APBA2: variants seen among roughly 807,000 people sequenced by gnomAD.
The protein encoded by APBA2 is amyloid beta precursor protein binding family A member 2, also known as amyloid-beta A4 precursor protein-binding family A member 2.
APBA2 carries 30 observed loss-of-function variants against 75.0 expected under a neutral mutation model. That is an observed-to-expected ratio of 0.40 (90% CI 0.30 to 0.54). The LOEUF (loss-of-function observed/expected upper bound fraction) is 0.54. Ranked by LOEUF, APBA2 falls within the 20% of genes least tolerant of loss-of-function variation. APBA2 has a pLI of 0.49. For missense variants in APBA2, 801 were observed against 1,016.1 expected, an observed-to-expected ratio of 0.79 and a Z score of 2.88; for synonymous variants, 444 against 409.6, an observed-to-expected ratio of 1.08 and a Z score of -1.01.
chr15:28,987,828 C>T (rs899690996), intron 2 of APBA2, among the ~76,000 whole-genome samples: 21 of 148,556 alleles, frequency 1.4e-4, no homozygotes, highest in Non-Finnish European at 2.7e-4. Flanking sequence ...GTGATCTCAG[C>T]TCACCGCAAC....
rs569997283 is a variant in APBA2 at position 28,918,294 on chromosome 15, C to T, written c.-204-3346C>T. On this transcript the variant is annotated intron_variant, in intron 1 of 14. Coordinates refer to ENST00000683413, the MANE Select transcript of APBA2 (RefSeq NM_001353788.2). This position sits in a 1 kb window ranked among gnomAD's most constrained non-coding sequence, Gnocchi z 4.2. ...CAGGCCACTGCCCTCGGCAGCCAAG[C>T]CCCTTCTTTATTTTGGAATGGCCAC... is the stretch of plus-strand genomic sequence containing the variant. Among the ~76,000 whole-genome samples, 2 of 152,290 alleles carry T rather than the reference C, an allele frequency of 1.3e-5. No homozygotes were observed. The highest frequency in any genetic ancestry group is 3.9e-4 in the East Asian group (2 of 5,152).
intron 13 of APBA2, among the ~76,000 whole-genome samples, chr15:29,111,821 G>A (rs1596005095): frequency 6.6e-6 from 1 of 152,168 alleles, no homozygotes; most frequent in South Asian, 2.1e-4. Context: ...GTGCACTGGG[G>A]CTCCACTGCC....
chr15:28,955,936 A>G (rs58959759), intron 2 of APBA2, among the ~76,000 whole-genome samples: 32,824 of 152,068 alleles, frequency 0.22, 6,805 homozygotes, highest in African/African-American at 0.53. Flanking sequence ...CCCGTAGCTC[A>G]GCAACCATGG....
chr15:28,893,433 C>T (rs2032265436), intron 1 of APBA2, among the ~76,000 whole-genome samples: 1 of 152,140 alleles, frequency 6.6e-6, no homozygotes, highest in South Asian at 2.1e-4. Flanking sequence ...ATGAATGGAC[C>T]GATTTTGGCC....
chr15:29,108,715 G>A (rs1567025581), intron 13 of APBA2: 1 of 482,322 alleles, frequency 2.1e-6, no homozygotes, highest in Non-Finnish European at 3.8e-6. Flanking sequence ...ACAACCAATT[G>A]TGGCATCACT....
rs139429414 is a variant in APBA2, at chr15:28,917,861, G to A, written c.-204-3779G>A. On this transcript the variant is annotated intron_variant, in intron 1 of 14. Transcript: ENST00000683413. Reference sequence around the variant, plus strand: ...CTTTTGCACCCCGGCTTACTGTGGCGTGGGGCAGGGGTACTGGGGGCCAGC... The same window carrying A: ...CTTTTGCACCCCGGCTTACTGTGGCATGGGGCAGGGGTACTGGGGGCCAGC... 5.3e-5 allele frequency among the ~76,000 whole-genome samples: 8 copies of A among 152,306 alleles called. No homozygotes were observed. In the East Asian group the frequency reaches 5.8e-4, roughly 11 times the overall value.
At position 29,101,662 on chromosome 15, in the gene APBA2, G is replaced by C; in HGVS notation, c.1402G>C (p.Val468Leu). The change falls in exon 10 of 15, where the codon GTG (valine) becomes CTG (leucine). Residue 468 changes from valine (V) to leucine (L), a missense_variant. Val to Leu is a conservative substitution (Grantham distance 32, BLOSUM62 1). This residue lies in a region of APBA2 where 367 missense variants were observed against 544.5 expected (regional missense o/e 0.67). Coordinates refer to ENST00000683413, the MANE Select transcript of APBA2 (RefSeq NM_001353788.2). ...CATCGCCGACATTGGGAACATTGTA[G>C]TGCTGATGGCCAGACGCCGCATGCC... is the stretch of plus-strand genomic sequence containing the variant. ...SYIADIGNIV[V>L]LMARRRMPRS... 1 of 1,613,782 alleles carries C rather than the reference G, an allele frequency of 6.2e-7. No individual in the cohort carries two copies. The highest frequency in any genetic ancestry group is 1.1e-5 in the South Asian group (1 of 91,070).
chr15:29,055,020 T>C (rs1344623882), intron 4 of APBA2, among the ~76,000 whole-genome samples, 185 bp downstream of exon 4: 2 of 152,190 alleles, frequency 1.3e-5, no homozygotes, highest in African/African-American at 2.4e-5. Context: ...CCGGCCACTC[T>C]TAAGCTCACC....
At position 29,072,704 on chromosome 15, in the gene APBA2, G is replaced by A. The variant is rs148425313; in HGVS notation, c.952-2217G>A. Among the ~76,000 whole-genome samples the A allele has an allele frequency of 8.6e-4, 131 of 152,246 alleles. 2 individuals carry two copies. Among genetic ancestry groups the A allele is most frequent in the African/African-American group, 2.8e-3 (116 of 41,548 alleles). On this transcript the variant is annotated intron_variant, in intron 4 of 14. Coordinates refer to ENST00000683413, the MANE Select transcript of APBA2 (RefSeq NM_001353788.2). ...GCTAGGCTTCGAAAAGCAGGGCAGT[G>A]TGCCAGCAGTCCCAGACAAACCAGA... is the stretch of plus-strand genomic sequence containing the variant.
chr15:28,886,732 C>A (rs1485121838), intron 1 of APBA2, among the ~76,000 whole-genome samples: 2 of 152,186 alleles, frequency 1.3e-5, no homozygotes, highest in Admixed American at 6.5e-5. Flanking sequence ...CCCAGAGAAC[C>A]CAAGCCCAGA....
chr15:29,033,989 AG>A lies in APBA2; in HGVS notation c.-40-19855del, dbSNP rs544099479. The stretch of plus-strand genomic sequence containing the variant: ...CAAAAAAAAAAAAAAAAAAAAAAAA[AG>A]AAGAAGGGACACCTAGGGTGAAGTC... On this transcript the variant is annotated intron_variant, in intron 3 of 14. Coordinates refer to ENST00000683413, the MANE Select transcript of APBA2 (RefSeq NM_001353788.2). Among the ~76,000 whole-genome samples, 76 of 136,212 alleles carry A rather than the reference AG, an allele frequency of 5.6e-4. 1 individual carries two copies. Among genetic ancestry groups the A allele is most frequent in the East Asian group, 4.1e-3 (14 of 3,426 alleles). 89.4% of individuals were successfully genotyped at this position (136,212 alleles called of 152,430 possible).
intron 10 of APBA2, among the ~76,000 whole-genome samples, chr15:29,103,933 G>A (rs879908343): frequency 2.0e-5 from 3 of 152,198 alleles, no homozygotes; most frequent in Admixed American, 2.0e-4. Flanking sequence ...GCCATCTGGC[G>A]GTCCCCGGGC....
At chr15:29,100,110 C>T (rs1486287887) in intron 9 of APBA2, among the ~76,000 whole-genome samples, 5 of 152,306 alleles carry the variant, frequency 3.3e-5, no homozygotes, top group South Asian at 4.1e-4. Flanking sequence ...AGAGCAGATG[C>T]GGCCATGTTG....
intron 6 of APBA2, among the ~76,000 whole-genome samples, chr15:29,089,844 G>T (rs567941915): frequency 1.3e-5 from 2 of 152,196 alleles, no homozygotes; most frequent in Non-Finnish European, 1.5e-5. Context: ...CTTTAAACCT[G>T]TATCTTGATT....
At chr15:28,945,441 CA>C (rs1211094540) in intron 2 of APBA2, among the ~76,000 whole-genome samples, 1 of 151,310 alleles carries the variant, frequency 6.6e-6, no homozygotes, top group African/African-American at 2.4e-5. Flanking sequence ...TTTCACGTTA[CA>C]AAAAAGGGAG....
chr15:29,060,789 T>A (rs2042099513), intron 4 of APBA2, among the ~76,000 whole-genome samples: 1 of 145,272 alleles, frequency 6.9e-6, no homozygotes, highest in South Asian at 2.1e-4. Context: ...ACGTATTGAT[T>A]TTTTTTTTCA....
intron 2 of APBA2, among the ~76,000 whole-genome samples, chr15:28,951,822 C>T (rs1387608803): frequency 2.8e-5 from 4 of 141,894 alleles, no homozygotes; most frequent in Non-Finnish European, 4.4e-5. Flanking sequence ...ACCTCATGAT[C>T]CATCCGCCTT....
intron 1 of APBA2, among the ~76,000 whole-genome samples, chr15:28,916,075 G>C (rs2033677478): frequency 6.6e-6 from 1 of 152,212 alleles, no homozygotes; most frequent in South Asian, 2.1e-4. Flanking sequence ...GCCCCCGCCT[G>C]CGCACCCCCG....
chr15:28,944,638 C>T (rs76626899), intron 2 of APBA2, among the ~76,000 whole-genome samples: 18,826 of 152,168 alleles, frequency 0.12, 2,334 homozygotes, highest in East Asian at 0.33. Context: ...GTGTGCTGCT[C>T]GGCGTGCCGA....
Sources: allele counts gnomAD v4.1 joint callset (sites outside exome capture counted in the v4.1 genomes callset), GRCh38; gene constraint gnomAD v4.1.1; regional missense constraint gnomAD v4.1.1; non-coding constraint Gnocchi (gnomAD v3.1); transcripts MANE v1.5; gene names NCBI Gene and HGNC (gene_info 2026-07-23, HGNC 2026-07-21).